PLXNA4: variants seen among roughly 807,000 people sequenced by gnomAD.
The protein encoded by PLXNA4 is plexin A4.
A neutral mutation model predicts 191.8 loss-of-function variants in PLXNA4; 44 were observed. The observed-to-expected ratio is 0.23, with a 90% confidence interval of 0.18 to 0.29. PLXNA4 has a LOEUF of 0.29. PLXNA4 is among the 10% of genes least tolerant of loss of function. The pLI is 1.00. For missense variants in PLXNA4, 1,800 were observed against 2,488.8 expected (o/e 0.72, Z 5.89); for synonymous variants, 1,082 against 1,009.5 (o/e 1.07, Z -1.36).
chr7:132,289,329 A>T (rs1288497065), intron 4 of PLXNA4, among the ~76,000 whole-genome samples: 2 of 151,964 alleles, frequency 1.3e-5, no homozygotes, highest in Non-Finnish European at 2.9e-5. Flanking sequence ...AATCCACTTG[A>T]TTTCCTTTTT....
chr7:132,526,838 T>C lies in PLXNA4; in HGVS notation c.-86-18059A>G, dbSNP rs1324465905. Among the ~76,000 whole-genome samples, 10 of 152,258 alleles carry C rather than the reference T, an allele frequency of 6.6e-5. No homozygotes were observed. The East Asian group carries it at 1.5e-3, about 24-fold the overall frequency. On this transcript the variant is annotated intron_variant, in intron 1 of 31. Transcript: ENST00000321063. Reference sequence around the variant, plus strand: ...TCCCATCCCTCTTTGGTGCATAGTCTTCATGCCTAAACTTTAAGGGGTCTT... The same window carrying C: ...TCCCATCCCTCTTTGGTGCATAGTCCTCATGCCTAAACTTTAAGGGGTCTT...
intron 4 of PLXNA4, among the ~76,000 whole-genome samples, chr7:132,248,841 A>G (rs1799147923): frequency 7.9e-6 from 1 of 126,004 alleles, no homozygotes; most frequent in Admixed American, 8.2e-5. Flanking sequence ...TGGCCACCCC[A>G]GTGTCAGAAA....
intron 10 of PLXNA4, among the ~76,000 whole-genome samples, chr7:132,207,701 C>T (rs1390106098): frequency 6.6e-6 from 1 of 152,232 alleles, no homozygotes; most frequent in Admixed American, 6.5e-5. Context: ...CACCCACCTC[C>T]TTCTGCCATC....
At chr7:132,382,025 G>A (rs74875499) in intron 3 of PLXNA4, among the ~76,000 whole-genome samples, 5 of 151,972 alleles carry the variant, frequency 3.3e-5, no homozygotes, top group South Asian at 2.1e-4. Context: ...GAGGAGGGGG[G>A]AAAACACAGA....
At chr7:132,484,916 A>C (rs748401353) in intron 3 of PLXNA4, 3 of 1,614,218 alleles carry the variant, frequency 1.9e-6, no homozygotes, top group Admixed American at 3.3e-5. Context: ...ATACACACAC[A>C]GCATCTGTTC....
chr7:132,460,351 T>A (rs563545644), intron 3 of PLXNA4, among the ~76,000 whole-genome samples: 155 of 151,086 alleles, frequency 1.0e-3, no homozygotes, highest in African/African-American at 3.6e-3. Context: ...GGTGACAGAC[T>A]GAGACACTGT....
At chr7:132,138,443 C>T (rs545334083) in intron 30 of PLXNA4, among the ~76,000 whole-genome samples, 9 of 152,292 alleles carry the variant, frequency 5.9e-5, no homozygotes, top group African/African-American at 1.9e-4. Context: ...ACTTTCCCCT[C>T]CAGGGAGCCA....
intron 17 of PLXNA4, among the ~76,000 whole-genome samples, chr7:132,181,830 T>C (rs1014027974): frequency 6.6e-6 from 1 of 152,154 alleles, no homozygotes; most frequent in Non-Finnish European, 1.5e-5. Flanking sequence ...GGTGTGGCAA[T>C]GGCTAGGATT....
intron 3 of PLXNA4, among the ~76,000 whole-genome samples, chr7:132,450,206 T>C (rs1050309673): frequency 1.3e-5 from 2 of 152,176 alleles, no homozygotes; most frequent in African/African-American, 4.8e-5. Flanking sequence ...CAGGAGGCTG[T>C]GGCTCTTTCT....
chr7:132,432,409 C>T (rs770628028), intron 3 of PLXNA4, among the ~76,000 whole-genome samples: 7 of 152,226 alleles, frequency 4.6e-5, no homozygotes, highest in African/African-American at 7.2e-5. Flanking sequence ...CAACTTCCTA[C>T]TCCTGCATTG....
intron 3 of PLXNA4, among the ~76,000 whole-genome samples, chr7:132,417,204 C>T (rs1173886795): frequency 1.3e-5 from 2 of 152,116 alleles, no homozygotes; most frequent in Non-Finnish European, 2.9e-5. Flanking sequence ...TTACCACGGA[C>T]CAGGGCTGTG....
At chr7:132,333,854 G>A (rs1010654187) in intron 3 of PLXNA4, among the ~76,000 whole-genome samples, 8 of 152,070 alleles carry the variant, frequency 5.3e-5, no homozygotes, top group African/African-American at 1.9e-4. Flanking sequence ...TGAGCGGGAG[G>A]GACTCATTCC....
chr7:132,491,656 A>G (rs1330250826), intron 2 of PLXNA4, among the ~76,000 whole-genome samples: 1 of 151,614 alleles, frequency 6.6e-6, no homozygotes, highest in African/African-American at 2.4e-5. Flanking sequence ...AAGAAAAATT[A>G]TTGACCAGGC....
At chr7:132,619,141 G>A (rs185268639) in intron 2 of PLXNA4, among the ~76,000 whole-genome samples, 21 of 152,206 alleles carry the variant, frequency 1.4e-4, no homozygotes, top group African/African-American at 2.9e-4. Context: ...CAAGATTTCC[G>A]CCTGTTTTGA....
At chr7:132,168,159 T>A (rs534483767) in intron 22 of PLXNA4, 145 bp downstream of exon 22, 4 of 1,216,222 alleles carry the variant, frequency 3.3e-6, no homozygotes, top group Non-Finnish European at 4.3e-6. Flanking sequence ...GGGCCTGCAA[T>A]GTAGTCCTGG....
intron 8 of PLXNA4, among the ~76,000 whole-genome samples, chr7:132,225,776 C>T (rs571927507): frequency 6.6e-6 from 1 of 152,324 alleles, no homozygotes; most frequent in East Asian, 1.9e-4. Flanking sequence ...GTTCCCTTCT[C>T]TGCCCATGGA....
chr7:132,161,824 C>T (rs1254605349), intron 24 of PLXNA4, among the ~76,000 whole-genome samples: 1 of 152,112 alleles, frequency 6.6e-6, no homozygotes, highest in Non-Finnish European at 1.5e-5. Context: ...CTAGCATTGC[C>T]TGGTTCCAGG....
At chr7:132,436,081 G>C (rs2117220714) in intron 3 of PLXNA4, among the ~76,000 whole-genome samples, 1 of 152,268 alleles carries the variant, frequency 6.6e-6, no homozygotes, top group Admixed American at 6.5e-5. Flanking sequence ...CCACATATGA[G>C]ACCTCAGAGG....
intron 14 of PLXNA4, among the ~76,000 whole-genome samples, chr7:132,193,533 C>T (rs935229937): frequency 2.6e-5 from 4 of 152,162 alleles, no homozygotes; most frequent in African/African-American, 9.7e-5. Context: ...AAAATGGAAG[C>T]AATGGTGGCA....
Sources: gnomAD v4.1 joint callset for allele counts (sites outside exome capture counted in the v4.1 genomes callset) on GRCh38, gnomAD v4.1.1 for gene constraint, MANE v1.5 for transcripts, NCBI Gene and HGNC (gene_info 2026-07-23, HGNC 2026-07-21) for gene names.